The following ROBO1 variants were observed in gnomAD, a reference collection of about 807,000 sequenced individuals.
ROBO1 encodes roundabout guidance receptor 1.
ROBO1 carries 149 observed loss-of-function variants against 195.9 expected under a neutral mutation model. The ratio of observed to expected loss-of-function variants is 0.76; its 90% CI spans 0.67 to 0.87. The LOEUF (loss-of-function observed/expected upper bound fraction) is 0.87. ROBO1 is among the 40% of genes least tolerant of loss of function. The pLI is 0.00. For synonymous variants in ROBO1, 816 were observed against 733.2 expected, an observed-to-expected ratio of 1.11 and a Z score of -1.82; for missense variants, 1,933 against 2,068.3, an observed-to-expected ratio of 0.93 and a Z score of 1.27.
intron 4 of ROBO1, among the ~76,000 whole-genome samples, chr3:78,874,600 C>T (rs1045500216): frequency 2.0e-5 from 3 of 151,684 alleles, no homozygotes; most frequent in African/African-American, 7.3e-5. Context: ...TTCAAGTATT[C>T]ATTATATTAT....
At chr3:78,797,960 A>G (rs906494439) in intron 4 of ROBO1, among the ~76,000 whole-genome samples, 10 of 152,198 alleles carry the variant, frequency 6.6e-5, no homozygotes, top group African/African-American at 2.4e-4. Flanking sequence ...ATCAGGTATT[A>G]GATATTTTAC....
At chr3:79,602,212 T>C (rs1944359533) in intron 1 of ROBO1, among the ~76,000 whole-genome samples, 1 of 151,988 alleles carries the variant, frequency 6.6e-6, no homozygotes, top group South Asian at 2.1e-4. Context: ...TTCAGACTGG[T>C]GATTAAATAA....
At chr3:79,545,299 A>C (rs963639582) in intron 2 of ROBO1, among the ~76,000 whole-genome samples, 33 of 152,210 alleles carry the variant, frequency 2.2e-4, no homozygotes, top group African/African-American at 7.7e-4. Flanking sequence ...CCACATCCAC[A>C]TACTCTCCCA....
intron 4 of ROBO1, among the ~76,000 whole-genome samples, chr3:78,855,418 G>C (rs1010878731): frequency 6.6e-6 from 1 of 152,168 alleles, no homozygotes; most frequent in Non-Finnish European, 1.5e-5. Flanking sequence ...GTCAGGCAGA[G>C]CCTGGGCAAC....
At chr3:79,078,428 G>GCA (rs764018474) in intron 3 of ROBO1, among the ~76,000 whole-genome samples, 2 of 151,828 alleles carry the variant, frequency 1.3e-5, no homozygotes, top group South Asian at 4.1e-4. Context: ...GGGTCAATCT[G>GCA]CACATTCTGG....
At chr3:79,475,457 T>C (rs1938502980) in intron 2 of ROBO1, among the ~76,000 whole-genome samples, 1 of 152,012 alleles carries the variant, frequency 6.6e-6, no homozygotes, top group Non-Finnish European at 1.5e-5. Flanking sequence ...AAATATATTA[T>C]TACAACTCAA....
intron 2 of ROBO1, among the ~76,000 whole-genome samples, chr3:79,159,133 T>G (rs566054653): frequency 6.6e-6 from 1 of 152,064 alleles, no homozygotes; most frequent in South Asian, 2.1e-4. Flanking sequence ...AAGACATAGC[T>G]TACTCTGCAA....
chr3:79,301,824 GA>G (rs2032972711), intron 2 of ROBO1, among the ~76,000 whole-genome samples: 1 of 152,154 alleles, frequency 6.6e-6, no homozygotes, highest in Non-Finnish European at 1.5e-5. Context: ...ATTGGGCTGT[GA>G]AGCTGACCTT....
At chr3:78,717,461 GC>G in intron 6 of ROBO1, 48 bp from the exon 7 acceptor site, 1 of 1,532,506 alleles carries the variant, frequency 6.5e-7, no homozygotes. Context: ...AAATGAACCA[GC>G]TGAAAAACAC....
chr3:78,613,560 G>A (rs1403456572), intron 28 of ROBO1, among the ~76,000 whole-genome samples: 1 of 152,192 alleles, frequency 6.6e-6, no homozygotes, highest in Non-Finnish European at 1.5e-5. Context: ...TGTCACGCCA[G>A]TATTTAATGT....
intron 1 of ROBO1, among the ~76,000 whole-genome samples, chr3:79,654,621 G>T (rs1946106159): frequency 6.6e-6 from 1 of 151,938 alleles, no homozygotes; most frequent in South Asian, 2.1e-4. Context: ...TTTAAAAGAT[G>T]CATTTAATAT....
At chr3:78,943,533 T>C (rs1284983152) in intron 3 of ROBO1, among the ~76,000 whole-genome samples, 1 of 152,224 alleles carries the variant, frequency 6.6e-6, no homozygotes, top group Admixed American at 6.5e-5. Flanking sequence ...CTATGGAATA[T>C]TCTTTCTTCA....
intron 2 of ROBO1, among the ~76,000 whole-genome samples, chr3:79,248,682 AT>A (rs2082669282): frequency 6.6e-6 from 1 of 152,170 alleles, no homozygotes; most frequent in Non-Finnish European, 1.5e-5. Context: ...TTTCGTTTTA[AT>A]GTTTCTGGCA....
At chr3:79,350,963 G>C (rs2035318287) in intron 2 of ROBO1, among the ~76,000 whole-genome samples, 1 of 152,078 alleles carries the variant, frequency 6.6e-6, no homozygotes, top group East Asian at 1.9e-4. Flanking sequence ...CCAAGTAGCT[G>C]TGACTACAGT....
chr3:79,053,158 T>C (rs2078735444), intron 3 of ROBO1, among the ~76,000 whole-genome samples: 1 of 151,934 alleles, frequency 6.6e-6, no homozygotes, highest in Non-Finnish European at 1.5e-5. Context: ...ATACGTGCCA[T>C]CCTAATGACA....
intron 2 of ROBO1, among the ~76,000 whole-genome samples, chr3:79,166,572 T>TTTTTA (rs1299286972): frequency 3.4e-5 from 5 of 148,606 alleles, no homozygotes; most frequent in African/African-American, 1.3e-4. Flanking sequence ...TTTTTTTTTT[T>TTTTTA]TTTTTATTTT....
rs796869676 is a variant in ROBO1 at position 79,071,748 on chromosome 3, A to ACACACACC, written c.172+53707_172+53708insGGTGTGTG. ...TGCACACACACACACACGCACACAC[A>ACACACACC]CACACACACACTGTGACTGTTTGCT... On this transcript the variant is annotated intron_variant, in intron 3 of 30. Coordinates refer to ENST00000464233, the MANE Select transcript of ROBO1 (RefSeq NM_002941.4). Among the ~76,000 whole-genome samples, 400 of 151,388 alleles carry ACACACACC rather than the reference A, an allele frequency of 2.6e-3. 2 individuals are homozygous for ACACACACC. Among genetic ancestry groups the ACACACACC allele is most frequent in the Middle Eastern group, 0.01 (3 of 294 alleles).
chr3:78,968,047 C>CATCTTAAA (rs1335275292), intron 3 of ROBO1, among the ~76,000 whole-genome samples: 1 of 152,028 alleles, frequency 6.6e-6, no homozygotes, highest in Non-Finnish European at 1.5e-5. Flanking sequence ...ATCAATCTTT[C>CATCTTAAA]ATCTTAAACA....
chr3:78,784,369 T>C (rs564197748), intron 4 of ROBO1, among the ~76,000 whole-genome samples: 1 of 152,316 alleles, frequency 6.6e-6, no homozygotes, highest in East Asian at 1.9e-4. Context: ...GCTTTGATTA[T>C]CTAATGAATA....
Sources: allele counts gnomAD v4.1 joint callset (sites outside exome capture counted in the v4.1 genomes callset), GRCh38; gene constraint gnomAD v4.1.1; transcripts MANE v1.5; gene names NCBI Gene and HGNC (gene_info 2026-07-23, HGNC 2026-07-21).